RANBP17: variants seen among roughly 807,000 people sequenced by gnomAD.
RANBP17 encodes the protein ran-binding protein 17.
A neutral mutation model predicts 141.2 loss-of-function variants in RANBP17; 158 were observed. That is an observed-to-expected ratio of 1.12 (90% CI 0.98 to 1.28). The LOEUF is 1.28. RANBP17 is among the 50% of genes most tolerant of loss of function. RANBP17 has a pLI of 0.00. For missense variants in RANBP17, 1,438 were observed against 1,290.7 expected, an observed-to-expected ratio of 1.11 and a Z score of -1.75; for synonymous variants, 430 against 450.0, an observed-to-expected ratio of 0.96 and a Z score of 0.56.
At chr5:170,905,063 T>C (rs1207224921) in intron 5 of RANBP17, among the ~76,000 whole-genome samples, 5 of 152,212 alleles carry the variant, frequency 3.3e-5, no homozygotes, top group Non-Finnish European at 7.4e-5. Flanking sequence ...CAATTGATTT[T>C]ATAATAATAA....
intron 25 of RANBP17, among the ~76,000 whole-genome samples, chr5:171,279,565 T>C (rs1032095655): frequency 6.6e-6 from 1 of 152,170 alleles, no homozygotes; most frequent in African/African-American, 2.4e-5. Context: ...CGCTGTTGCA[T>C]TGGGGATTAG....
intron 14 of RANBP17, among the ~76,000 whole-genome samples, chr5:171,091,727 A>G (rs1390418268): frequency 1.3e-5 from 2 of 152,146 alleles, no homozygotes; most frequent in Non-Finnish European, 2.9e-5. Context: ...GTCTCATGAG[A>G]TCTGATGGTA....
intron 14 of RANBP17, among the ~76,000 whole-genome samples, chr5:171,064,633 A>T (rs1053678874): frequency 6.6e-6 from 1 of 152,128 alleles, no homozygotes; most frequent in Non-Finnish European, 1.5e-5. Context: ...AGGAGCTGGG[A>T]CTACAGACAC....
At chr5:171,003,303 G>A (rs1475831177) in intron 14 of RANBP17, among the ~76,000 whole-genome samples, 1 of 152,170 alleles carries the variant, frequency 6.6e-6, no homozygotes, top group Non-Finnish European at 1.5e-5. Context: ...AACAGAAAGA[G>A]GAGTGGGGAA....
chr5:171,277,281 CT>C (rs1350771406), intron 25 of RANBP17, among the ~76,000 whole-genome samples: 1 of 151,928 alleles, frequency 6.6e-6, no homozygotes, highest in African/African-American at 2.4e-5. Flanking sequence ...CTAGGATCGT[CT>C]CCCTGCATCA....
At chr5:170,894,838 AC>A (rs1475634846) in intron 4 of RANBP17, among the ~76,000 whole-genome samples, 1 of 152,168 alleles carries the variant, frequency 6.6e-6, no homozygotes, top group East Asian at 1.9e-4. Flanking sequence ...CTGTAAATGA[AC>A]ATAGTGCCTT....
intron 13 of RANBP17, among the ~76,000 whole-genome samples, chr5:170,963,199 T>G (rs1301541293): frequency 1.3e-5 from 2 of 152,198 alleles, no homozygotes; most frequent in Non-Finnish European, 2.9e-5. Flanking sequence ...CTAGTATATA[T>G]GATAAATACT....
At chr5:170,955,252 A>G (rs1181720989) in intron 13 of RANBP17, among the ~76,000 whole-genome samples, 2 of 152,026 alleles carry the variant, frequency 1.3e-5, no homozygotes, top group African/African-American at 4.8e-5. Context: ...GCCAGATAGT[A>G]GGGTTCATAT....
intron 14 of RANBP17, among the ~76,000 whole-genome samples, chr5:171,008,681 C>T (rs1356113712): frequency 6.6e-6 from 1 of 152,196 alleles, no homozygotes; most frequent in African/African-American, 2.4e-5. Flanking sequence ...TTACAAAGTA[C>T]ATTCATCAGT....
At chr5:170,887,137 A>G (rs772295928) in intron 3 of RANBP17, among the ~76,000 whole-genome samples, 41 of 152,008 alleles carry the variant, frequency 2.7e-4, no homozygotes, top group Non-Finnish European at 5.3e-4. Flanking sequence ...TTTTAATCAG[A>G]TTGTATTCTT....
chr5:171,252,341 AG>A (rs1765627750), intron 24 of RANBP17: 1 of 1,540,342 alleles, frequency 6.5e-7, no homozygotes, highest in Non-Finnish European at 9.0e-7. Context: ...GAGATTTTTC[AG>A]GGAACATTAA....
chr5:170,995,513 G>A lies in RANBP17; in HGVS notation c.1710+27136G>A, dbSNP rs529223690. On this transcript the variant is annotated intron_variant, in intron 14 of 27. Coordinates refer to ENST00000523189, the MANE Select transcript of RANBP17 (RefSeq NM_022897.5). Reference sequence around the variant, plus strand: ...GACACAGTGTTTCATGTCTGGAAGTGCAGTCTGAATAAATAATTTGAAATA... The same window carrying A: ...GACACAGTGTTTCATGTCTGGAAGTACAGTCTGAATAAATAATTTGAAATA... Among the ~76,000 whole-genome samples, 5 of 152,230 alleles carry A rather than the reference G, an allele frequency of 3.3e-5. No homozygotes were observed. In the East Asian group the frequency reaches 9.7e-4, roughly 29 times the overall value.
At chr5:170,937,888 AG>A (rs1193262479) in intron 12 of RANBP17, among the ~76,000 whole-genome samples, 1 of 152,250 alleles carries the variant, frequency 6.6e-6, no homozygotes, top group Non-Finnish European at 1.5e-5. Flanking sequence ...GTTCTTCAAA[AG>A]TAAAGAGTTA....
chr5:171,154,469 G>A (rs1470392115), intron 14 of RANBP17, among the ~76,000 whole-genome samples: 1 of 152,034 alleles, frequency 6.6e-6, no homozygotes, highest in Non-Finnish European at 1.5e-5. Flanking sequence ...TAGCAGAGAC[G>A]GGGTTTCCCC....
intron 14 of RANBP17, among the ~76,000 whole-genome samples, chr5:170,994,509 T>G (rs573682651): frequency 6.6e-6 from 1 of 152,172 alleles, no homozygotes; most frequent in African/African-American, 2.4e-5. Context: ...CTTTATAAAT[T>G]GTGTCTTATG....
At chr5:170,949,511 C>G (rs1775033549) in intron 12 of RANBP17, among the ~76,000 whole-genome samples, 1 of 151,984 alleles carries the variant, frequency 6.6e-6, no homozygotes, top group African/African-American at 2.4e-5. Flanking sequence ...AAAGGCGTAT[C>G]AAAATTATAA....
At chr5:171,234,452 T>G (rs570509615) in intron 22 of RANBP17, among the ~76,000 whole-genome samples, 1 of 152,274 alleles carries the variant, frequency 6.6e-6, no homozygotes, top group South Asian at 2.1e-4. Flanking sequence ...CCTAAGTTTT[T>G]AAAAAATTAC....
At chr5:171,187,163 C>G (rs1761312723) in intron 18 of RANBP17, among the ~76,000 whole-genome samples, 1 of 151,980 alleles carries the variant, frequency 6.6e-6, no homozygotes, top group Non-Finnish European at 1.5e-5. Context: ...TGGAGAGATA[C>G]AAAGGAATGG....
chr5:170,969,254 C>T (rs1484034671), intron 14 of RANBP17, among the ~76,000 whole-genome samples: 1 of 151,276 alleles, frequency 6.6e-6, no homozygotes, highest in African/African-American at 2.4e-5. Flanking sequence ...GGAAATGATG[C>T]CATTTTATAA....
Sources: gnomAD v4.1 joint callset for allele counts (sites outside exome capture counted in the v4.1 genomes callset) on GRCh38, gnomAD v4.1.1 for gene constraint, MANE v1.5 for transcripts, NCBI Gene and HGNC (gene_info 2026-07-23, HGNC 2026-07-21) for gene names.